KIF13A: variants seen among roughly 807,000 people sequenced by gnomAD.
KIF13A encodes kinesin family member 13A, also known as kinesin-like protein KIF13A.
A neutral mutation model predicts 212.2 loss-of-function variants in KIF13A; 79 were observed. The ratio of observed to expected loss-of-function variants is 0.37; its 90% CI spans 0.31 to 0.45. The LOEUF (loss-of-function observed/expected upper bound fraction) is 0.45. Among genes scored for constraint, KIF13A ranks in the 20% least tolerant of loss-of-function variants. The pLI is 1.00. For synonymous variants in KIF13A, 789 were observed against 808.6 expected (o/e 0.98, Z 0.41); for missense variants, 1,901 against 2,209.0 (o/e 0.86, Z 2.79).
Position 17,799,575 on chromosome 6 carries a change from C to T in KIF13A, c.2617-136G>A, listed in dbSNP as rs533318232. 1.9e-5 allele frequency: 13 copies of T among 686,610 alleles called. No homozygotes were observed. Among genetic ancestry groups the T allele is most frequent in the East Asian group, 8.3e-5 (3 of 36,362 alleles). The allele number at this position is 686,610 out of a possible 1,614,324, so 42.5% of individuals were successfully genotyped here. Reference sequence around the variant, plus strand: ...CATGTGAAAATATTATATCTGACACCGTGACACTAAGGGTTGTATCGATAA... The same window carrying T: ...CATGTGAAAATATTATATCTGACACTGTGACACTAAGGGTTGTATCGATAA... On this transcript the variant is annotated intron_variant, in intron 21 of 38. Transcript: ENST00000259711. The surrounding 1 kb of genome is among the most constrained non-coding windows in gnomAD (Gnocchi z 4.4).
At chr6:17,955,228 C>T (rs1778253734) in intron 2 of KIF13A, among the ~76,000 whole-genome samples, 1 of 152,222 alleles carries the variant, frequency 6.6e-6, no homozygotes, top group African/African-American at 2.4e-5. Flanking sequence ...CTAGTTTCCA[C>T]AGGTGTTAAA....
rs575420347 is a variant in KIF13A at position 17,779,808 on chromosome 6, C to T, written c.3847-124G>A. 2.6e-3 allele frequency: 1,187 copies of T among 455,140 alleles called. 12 individuals are homozygous for T. Among genetic ancestry groups the T allele is most frequent in the African/African-American group, 0.024 (1,090 of 45,984 alleles). 28.2% of individuals were successfully genotyped at this position (455,140 alleles called of 1,614,324 possible). On this transcript the variant is annotated intron_variant, in intron 31 of 38. Transcript: ENST00000259711. Reference sequence around the variant, plus strand: ...AGGCTGGAGGGCAGTGGCGCGATCTCGGCTCACTGCAGGCTCCGCCCCCTG... The same window carrying T: ...AGGCTGGAGGGCAGTGGCGCGATCTTGGCTCACTGCAGGCTCCGCCCCCTG...
In KIF13A at chr6:17,828,150, A is replaced by C. The variant is rs1765134659; in HGVS notation, c.1532+90T>G. 2.2e-6 allele frequency: 3 copies of C among 1,358,636 alleles called. No individual in the cohort carries two copies. The highest frequency in any genetic ancestry group is 3.0e-6 in the Non-Finnish European group (3 of 997,340). The allele number at this position is 1,358,636 out of a possible 1,614,324, so 84.2% of individuals were successfully genotyped here. On this transcript the variant is annotated intron_variant, in intron 14 of 38. Coordinates refer to ENST00000259711, the MANE Select transcript of KIF13A (RefSeq NM_022113.6). This position sits in a 1 kb window ranked among gnomAD's most constrained non-coding sequence, Gnocchi z 4.3. ...GGACCCCCATGTATCCTTAACTTTA[A>C]TATAGCTGAAAGCAAACAGAAAGAG...
intron 9 of KIF13A, among the ~76,000 whole-genome samples, chr6:17,844,670 G>A (rs962952214): frequency 1.3e-5 from 2 of 152,200 alleles, no homozygotes; most frequent in Admixed American, 6.5e-5. Context: ...TTCTTCCAAC[G>A]ATGTGGCTAC....
intron 16 of KIF13A, chr6:17,822,043 C>CTTT (rs565299308): frequency 0.053 from 30,857 of 578,352 alleles, 206 homozygotes; most frequent in Middle Eastern, 0.065. Context: ...AACATAACTT[C>CTTT]TTTTTTTTTT....
intron 14 of KIF13A, among the ~76,000 whole-genome samples, chr6:17,827,081 A>T (rs1765028437): frequency 6.6e-6 from 1 of 150,880 alleles, no homozygotes; most frequent in Non-Finnish European, 1.5e-5. Context: ...TAAAAAAAAA[A>T]TAAATAAATA....
At chr6:17,858,487 G>C (rs931347384) in intron 4 of KIF13A, among the ~76,000 whole-genome samples, 1 of 152,128 alleles carries the variant, frequency 6.6e-6, no homozygotes, top group African/African-American at 2.4e-5. Context: ...GAAAATACCT[G>C]ACCACTCTGG....
At chr6:17,978,272 AG>A (rs1353654064) in intron 2 of KIF13A, among the ~76,000 whole-genome samples, 2 of 152,256 alleles carry the variant, frequency 1.3e-5, no homozygotes, top group African/African-American at 4.8e-5. Flanking sequence ...GTTTTTATTT[AG>A]TTTTCACCTA....
At chr6:17,818,605 C>G (rs970207025) in intron 16 of KIF13A, among the ~76,000 whole-genome samples, 1 of 152,156 alleles carries the variant, frequency 6.6e-6, no homozygotes, top group South Asian at 2.1e-4. Context: ...CTGGCTACAT[C>G]GCAAGTAGAG....
In KIF13A at chr6:17,785,080, A is replaced by G. The variant is rs1760931005; in HGVS notation, c.3488+435T>C. 6.6e-6 allele frequency among the ~76,000 whole-genome samples: 1 copy of G among 152,236 alleles called. No individual in the cohort carries two copies. On this transcript the variant is annotated intron_variant, in intron 28 of 38. Coordinates refer to ENST00000259711, the MANE Select transcript of KIF13A (RefSeq NM_022113.6). The surrounding 1 kb of genome is among the most constrained non-coding windows in gnomAD (Gnocchi z 5.8). ...AATGAATGGGTATGAAAGGTGTTTTATACACATTACAATATACAAGATAGT... is the reference window on the plus strand; with the variant it reads ...AATGAATGGGTATGAAAGGTGTTTTGTACACATTACAATATACAAGATAGT...
In KIF13A at chr6:17,829,713, GA is replaced by G. The variant is rs1201470858; in HGVS notation, c.1402-1344del. Reference sequence around the variant, plus strand: ...GGTCTTTCAAAATCAGGATTTCAGAGACAATTCCTTACCCCTACTCATTGCC... The same window carrying G: ...GGTCTTTCAAAATCAGGATTTCAGAGCAATTCCTTACCCCTACTCATTGCC... On this transcript the variant is annotated intron_variant, in intron 13 of 38. Coordinates refer to ENST00000259711, the MANE Select transcript of KIF13A (RefSeq NM_022113.6). This position sits in a 1 kb window ranked among gnomAD's most constrained non-coding sequence, Gnocchi z 5.4. Among the ~76,000 whole-genome samples the G allele has an allele frequency of 6.6e-6, 1 of 152,046 alleles. No homozygotes were observed. The highest frequency in any genetic ancestry group is 1.5e-5 in the Non-Finnish European group (1 of 68,024).
At chr6:17,780,663 G>C (rs1760482299) in intron 31 of KIF13A, 67 bp downstream of exon 31, 3 of 1,460,330 alleles carry the variant, frequency 2.1e-6, no homozygotes, top group East Asian at 2.3e-5. Context: ...ACACTGCTTT[G>C]TGATAGAGAG....
downstream of KIF13A, chr6:17,760,977 G>C (rs1382551185): frequency 9.8e-6 from 12 of 1,224,682 alleles, no homozygotes; most frequent in Admixed American, 5.8e-5. Context: ...TCACAAGAAA[G>C]GGGCTCTTCC....
In KIF13A at chr6:17,987,536, CCG is replaced by C; in HGVS notation, c.-75_-74del. 2.5e-6 allele frequency: 2 copies of C among 803,478 alleles called. No individual in the cohort carries two copies. The highest frequency in any genetic ancestry group is 3.1e-6 in the Non-Finnish European group (2 of 653,384). 49.8% of individuals were successfully genotyped at this position (803,478 alleles called of 1,614,324 possible). On this transcript the variant is annotated 5_prime_UTR_variant, in exon 1 of 39. The change abolishes the stop of an existing upstream ORF in the 5' untranslated region. Coordinates refer to ENST00000259711, the MANE Select transcript of KIF13A (RefSeq NM_022113.6). This position sits in a 1 kb window ranked among gnomAD's most constrained non-coding sequence, Gnocchi z 7.7. ...CGGCCCCTCACGCGCGGCGCCGCCG[CCG>C]CTGCAGCCGCGCGCCCCTCGAGCGC...
intron 11 of KIF13A, among the ~76,000 whole-genome samples, chr6:17,835,668 G>C (rs958183420): frequency 2.0e-5 from 3 of 152,130 alleles, no homozygotes; most frequent in African/African-American, 7.2e-5. Flanking sequence ...CCACAGCCTG[G>C]AAGAAGAGAA....
In KIF13A at chr6:17,900,965, C is replaced by A. The variant is rs9367973; in HGVS notation, c.147-2785G>T. Among the ~76,000 whole-genome samples, 1 of 151,390 alleles carries A rather than the reference C, an allele frequency of 6.6e-6. No individual in the cohort carries two copies. The highest frequency in any genetic ancestry group is 6.6e-5 in the Admixed American group (1 of 15,142). On this transcript the variant is annotated intron_variant, in intron 2 of 38. Coordinates refer to ENST00000259711, the MANE Select transcript of KIF13A (RefSeq NM_022113.6). The surrounding 1 kb of genome is among the most constrained non-coding windows in gnomAD (Gnocchi z 4.6). ...TGGTGGCGGGTGCCTGTAGTCCCAG[C>A]TACTTGGGAGGCTGAGGCAGGAGAA...
At chr6:17,950,424 T>A in intron 2 of KIF13A, 1 of 977,872 alleles carries the variant, frequency 1.0e-6, no homozygotes, top group Non-Finnish European at 1.2e-6. Context: ...GAAAATGATT[T>A]ATTAATGGAT....
rs191261906 is a variant in KIF13A at position 17,808,947 on chromosome 6, A to G, written c.2001-17T>C. 1.9e-5 allele frequency: 30 copies of G among 1,561,612 alleles called. No individual in the cohort carries two copies. Among genetic ancestry groups the G allele is most frequent in the Non-Finnish European group, 2.6e-5 (30 of 1,153,722 alleles). On this transcript the variant is annotated splice_polypyrimidine_tract_variant and intron_variant, in intron 17 of 38. Transcript: ENST00000259711. ...AGTTCATCCCTGCAGTGTCATAGAA[A>G]AGGGAACGAGAAAATCTAAAGGAAA...
chr6:17,924,701 C>A (rs1208854214), intron 2 of KIF13A, among the ~76,000 whole-genome samples: 16 of 152,026 alleles, frequency 1.1e-4, no homozygotes, highest in Admixed American at 1.0e-3. Context: ...GCATGATAAG[C>A]CGAGAAGTGG....
Sources: allele counts gnomAD v4.1 joint callset (sites outside exome capture counted in the v4.1 genomes callset), GRCh38; gene constraint gnomAD v4.1.1; non-coding constraint Gnocchi (gnomAD v3.1); transcripts MANE v1.5; gene names NCBI Gene and HGNC (gene_info 2026-07-23, HGNC 2026-07-21).